The following POC1A variants were observed in gnomAD, a reference collection of about 807,000 sequenced individuals.
The protein encoded by POC1A is POC1 centriolar protein homolog A.
In POC1A, 34 loss-of-function variants were observed where a neutral mutation model predicts 47.8. That is an observed-to-expected ratio of 0.71 (90% CI 0.54 to 0.95). POC1A has a LOEUF of 0.95. Among genes scored for constraint, POC1A ranks in the 40% least tolerant of loss-of-function variants. The probability of loss-of-function intolerance (pLI) is 0.00; values close to 1 mark genes in which losing one functional copy is unlikely to be tolerated. For synonymous variants in POC1A, 177 were observed against 207.6 expected (o/e 0.85, Z 1.27); for missense variants, 466 against 528.3 (o/e 0.88, Z 1.16).
chr3:52,088,872 C>A (rs1702549796), intron 10 of POC1A, among the ~76,000 whole-genome samples: 2 of 149,130 alleles, frequency 1.3e-5, no homozygotes, highest in South Asian at 4.3e-4. Context: ...TCCCAGCCCT[C>A]CCCCAGCCCT....
intron 9 of POC1A, among the ~76,000 whole-genome samples, chr3:52,106,211 A>G (rs1454688980): frequency 6.7e-6 from 1 of 150,366 alleles, no homozygotes; most frequent in Non-Finnish European, 1.5e-5. Flanking sequence ...AAGAAAGTTC[A>G]GAGACATGGG....
intron 9 of POC1A, among the ~76,000 whole-genome samples, chr3:52,112,311 C>G (rs80255536): frequency 0.093 from 14,149 of 152,186 alleles, 1,325 homozygotes; most frequent in East Asian, 0.36. Context: ...GCCACCAAGC[C>G]TGGCTGGGCT....
In POC1A at chr3:52,077,341, T is replaced by C. The variant is rs143489162; in HGVS notation, c.1126-1356A>G. ...TTTCTTTCATACATTTAATAAAACATTGAAACATTTTAGAAGGGAGTCTCC... is the reference window on the plus strand; with the variant it reads ...TTTCTTTCATACATTTAATAAAACACTGAAACATTTTAGAAGGGAGTCTCC... On this transcript the variant is annotated intron_variant, in intron 10 of 10. Coordinates refer to ENST00000296484, the MANE Select transcript of POC1A (RefSeq NM_015426.5). 2.9e-3 allele frequency among the ~76,000 whole-genome samples: 445 copies of C among 152,370 alleles called. 3 individuals are homozygous for C. Among genetic ancestry groups the C allele is most frequent in the African/African-American group, 9.9e-3 (412 of 41,590 alleles).
chr3:52,148,547 C>T (rs1698444171), intron 4 of POC1A, among the ~76,000 whole-genome samples: 1 of 152,262 alleles, frequency 6.6e-6, no homozygotes, highest in Non-Finnish European at 1.5e-5. Context: ...ATTCTTGGAC[C>T]TTGAAAGGTC....
At chr3:52,151,178 C>T in intron 1 of POC1A, 78 bp from the exon 2 acceptor site, 1 of 1,596,172 alleles carries the variant, frequency 6.3e-7, no homozygotes, top group Non-Finnish European at 8.5e-7. Flanking sequence ...CTTCCTACAA[C>T]AGCCGGGGGA....
chr3:52,101,350 T>C (rs1702999157), intron 9 of POC1A, among the ~76,000 whole-genome samples: 1 of 150,300 alleles, frequency 6.7e-6, no homozygotes, highest in African/African-American at 2.5e-5. Flanking sequence ...CTAAGCATGA[T>C]GCCTGGCATT....
chr3:52,104,721 C>T (rs939086718), intron 9 of POC1A, among the ~76,000 whole-genome samples: 1 of 152,218 alleles, frequency 6.6e-6, no homozygotes, highest in African/African-American at 2.4e-5. Flanking sequence ...AAGCCAGAGT[C>T]ATAACTCAAT....
chr3:52,075,824 A>C lies in POC1A; in HGVS notation c.*63T>G, dbSNP rs539608095. On this transcript the variant is annotated 3_prime_UTR_variant, in exon 11 of 11. Transcript: ENST00000296484. ...AGTCCCCTTTATTTACCCAAGTCCC[A>C]TGGTACAAATCCCTGGCCTGCCACC... 1 of 1,188,124 alleles carries C rather than the reference A, an allele frequency of 8.4e-7. No homozygotes were observed. The highest frequency in any genetic ancestry group is 1.5e-5 in the African/African-American group (1 of 66,958). 73.6% of individuals were successfully genotyped at this position (1,188,124 alleles called of 1,614,324 possible).
At chr3:52,080,925 C>T (rs115991417) in intron 10 of POC1A, among the ~76,000 whole-genome samples, 338 of 152,326 alleles carry the variant, frequency 2.2e-3, no homozygotes, top group African/African-American at 7.8e-3. Flanking sequence ...CGATACTGTC[C>T]GCCTCCCAAG....
intron 10 of POC1A, among the ~76,000 whole-genome samples, chr3:52,081,945 C>G (rs557093636): frequency 2.1e-4 from 32 of 152,090 alleles, no homozygotes; most frequent in African/African-American, 7.2e-4. Flanking sequence ...AGATGGGGGT[C>G]TGAGAGAGAT....
At chr3:52,147,702 C>T (rs1489550630) in intron 4 of POC1A, among the ~76,000 whole-genome samples, 1 of 152,128 alleles carries the variant, frequency 6.6e-6, no homozygotes, top group Non-Finnish European at 1.5e-5. Flanking sequence ...CCTCATCCAC[C>T]CAAAGTGCTA....
At chr3:52,132,480 G>A (rs963076778) in intron 7 of POC1A, among the ~76,000 whole-genome samples, 2 of 152,092 alleles carry the variant, frequency 1.3e-5, no homozygotes, top group African/African-American at 2.4e-5. Context: ...TGTTTGCAAA[G>A]GTGACCCATA....
intron 9 of POC1A, among the ~76,000 whole-genome samples, chr3:52,103,974 C>A (rs576517454): frequency 6.6e-6 from 1 of 152,290 alleles, no homozygotes; most frequent in Admixed American, 6.5e-5. Flanking sequence ...TATGTCCCAG[C>A]CATTCCACTC....
chr3:52,122,472 C>T lies in POC1A; in HGVS notation c.888G>A (p.Met296Ile). 1 of 1,602,764 alleles carries T rather than the reference C, an allele frequency of 6.2e-7. No homozygotes were observed. Residue 296 changes from methionine to isoleucine, a missense_variant, in exon 9 of 11, where the codon ATG (methionine) becomes ATA (isoleucine). Physicochemically the swap from Met to Ile is conservative, Grantham distance 10. Transcript: ENST00000296484. ...CAATATCAAAGTTACTCTTCCAAAC[C>T]ATCACCTGCCAAAACCAACAGGCAC... ...FASGGSDEQV[M>I]VWKSNFDIVD... is the part of the protein sequence containing the mutation.
At chr3:52,146,963 TG>T in intron 5 of POC1A, 24 bp downstream of exon 5, 2 of 1,583,684 alleles carry the variant, frequency 1.3e-6, no homozygotes, top group South Asian at 2.2e-5. Flanking sequence ...CGCCTACAGG[TG>T]GAGGACAGCA....
At chr3:52,078,031 G>A (rs902547484) in intron 10 of POC1A, among the ~76,000 whole-genome samples, 2 of 152,072 alleles carry the variant, frequency 1.3e-5, no homozygotes, top group Non-Finnish European at 2.9e-5. Flanking sequence ...GTGCCACCCC[G>A]TTGAGGCCTT....
At chr3:52,116,198 C>T (rs1703559339) in intron 9 of POC1A, among the ~76,000 whole-genome samples, 1 of 152,132 alleles carries the variant, frequency 6.6e-6, no homozygotes, top group African/African-American at 2.4e-5. Flanking sequence ...TGCCAAGAAT[C>T]TCTGGGCCAG....
In POC1A at chr3:52,149,998, T is replaced by C. The variant is rs1273647311; in HGVS notation, c.104-11A>G. ...CCATGGAGCCACTGGCTGAGGACAG[T>C]GGGTGATGCTATGACCTACAGCTCT... On this transcript the variant is annotated splice_polypyrimidine_tract_variant and intron_variant, in intron 2 of 10. Coordinates refer to ENST00000296484, the MANE Select transcript of POC1A (RefSeq NM_015426.5). 1.2e-6 allele frequency: 2 copies of C among 1,610,070 alleles called. No homozygotes were observed. The highest frequency in any genetic ancestry group is 1.1e-5 in the South Asian group (1 of 90,926).
At chr3:52,147,487 G>A (rs182892470) in intron 4 of POC1A, among the ~76,000 whole-genome samples, 11 of 152,156 alleles carry the variant, frequency 7.2e-5, no homozygotes, top group Non-Finnish European at 1.0e-4. Context: ...AGGCTGGAGT[G>A]CAGTGGTGTG....
Sources: allele counts gnomAD v4.1 joint callset (sites outside exome capture counted in the v4.1 genomes callset), GRCh38; gene constraint gnomAD v4.1.1; transcripts MANE v1.5; gene names NCBI Gene and HGNC (gene_info 2026-07-23, HGNC 2026-07-21).